The following CCER2 variants were observed in gnomAD, a reference collection of about 807,000 sequenced individuals.
CCER2 encodes coiled-coil domain-containing glutamate-rich protein 2.
Under a neutral mutation model 27.1 loss-of-function variants are expected in CCER2, and 20 were observed. The observed-to-expected ratio is 0.74, with a 90% CI of 0.52 to 1.07. The LOEUF is 1.07. Ranked by LOEUF, CCER2 falls within the 50% of genes least tolerant of loss-of-function variation. The probability of loss-of-function intolerance (pLI) is 0.00; values close to 1 mark genes in which losing one functional copy is unlikely to be tolerated. For synonymous variants in CCER2, 140 were observed against 144.3 expected (o/e 0.97, Z 0.21); for missense variants, 351 against 344.7 (o/e 1.02, Z -0.14).
At position 38,911,831 on chromosome 19, in the gene CCER2, G is replaced by A. The variant is rs897441719; in HGVS notation, c.83C>T (p.Pro28Leu). ...LGAATAAPLA[P>L]RPSKEELTRC... Reference sequence around the variant, plus strand: ...CCTCACCTCCTCCTTGGAGGGTCTCGGTGCCAAGGGAGCAGCGGTGGCTGT... The same window carrying A: ...CCTCACCTCCTCCTTGGAGGGTCTCAGTGCCAAGGGAGCAGCGGTGGCTGT... Residue 28 changes from proline to leucine, a missense_variant, in exon 2 of 5, where the codon CCG (proline) becomes CTG (leucine). Coordinates refer to ENST00000571838, the MANE Select transcript of CCER2 (RefSeq NM_001243212.2). 2.1e-5 allele frequency: 33 copies of A among 1,535,282 alleles called. No homozygotes were observed. Among genetic ancestry groups the A allele is most frequent in the South Asian group, 4.8e-5 (4 of 84,036 alleles).
At chr19:38,909,783 A>T (rs541474348) in intron 4 of CCER2, among the ~76,000 whole-genome samples, 82 of 151,944 alleles carry the variant, frequency 5.4e-4, no homozygotes, top group Non-Finnish European at 8.8e-4. Context: ...CATGTTGGCC[A>T]GGCTGGTCTC....
rs1974298294 is a variant in CCER2, at chr19:38,911,043, C to T, written c.231G>A (p.Glu77=). ...AATCCCCAAGCAGCAGGCCTTTCTCCTCGGTGGACGCACAGCCGTGGGGCT... is the reference window on the plus strand; with the variant it reads ...AATCCCCAAGCAGCAGGCCTTTCTCTTCGGTGGACGCACAGCCGTGGGGCT... The part of the protein sequence containing the change: ...GTEPHGCAST[E]EKGLLLGDFK... The change falls in exon 4 of 5, where the codon GAG becomes GAA. Residue 77 remains glutamate, a synonymous_variant. Coordinates refer to ENST00000571838, the MANE Select transcript of CCER2 (RefSeq NM_001243212.2). 2 of 1,467,466 alleles carry T rather than the reference C, an allele frequency of 1.4e-6. No individual in the cohort carries two copies. The highest frequency in any genetic ancestry group is 2.5e-5 in the Admixed American group (1 of 39,250). 90.9% of individuals were successfully genotyped at this position (1,467,466 alleles called of 1,614,324 possible).
At chr19:38,911,931 C>T in intron 1 of CCER2, 79 bp from the exon 2 acceptor site, 1 of 1,515,128 alleles carries the variant, frequency 6.6e-7, no homozygotes, top group Admixed American at 2.0e-5. Context: ...CATGGGCGTC[C>T]CGGTCCCCAC....
At position 38,911,655 on chromosome 19, in the gene CCER2, T is replaced by TG. The variant is rs1273274703; in HGVS notation, c.103-3dup. 2 of 1,535,164 alleles carry TG rather than the reference T, an allele frequency of 1.3e-6. No individual in the cohort carries two copies. Among genetic ancestry groups the TG allele is most frequent in the South Asian group, 1.2e-5 (1 of 84,020 alleles). ...CACCTCTGCCAGACAGCGGGTCAGC[T>TG]GGGGGGCAGGGGTGCCGGGTCAGAG... On this transcript the variant is annotated splice_region_variant and splice_polypyrimidine_tract_variant and intron_variant, in intron 2 of 4. Transcript: ENST00000571838.
chr19:38,910,576 G>A lies in CCER2; in HGVS notation c.698C>T (p.Ala233Val). The change falls in exon 4 of 5, where the codon GCT (alanine) becomes GTT (valine). Residue 233 changes from alanine (A) to valine (V), a missense_variant. Transcript: ENST00000571838. The stretch of plus-strand genomic sequence containing the variant: ...CCCCCTACTCACCTCCCTCTCCGAA[G>A]CCTCCTCCTTCTCCTGCCTGGGCTC... ...EAEPRQEKEE[A>V]SEREEKEVEQ... 1 of 1,485,854 alleles carries A rather than the reference G, an allele frequency of 6.7e-7. No homozygotes were observed. Among genetic ancestry groups the A allele is most frequent in the Non-Finnish European group, 8.9e-7 (1 of 1,119,386 alleles). 92.0% of individuals were successfully genotyped at this position (1,485,854 alleles called of 1,614,324 possible).
At chr19:38,910,514 AC>A (rs1974282126) in intron 4 of CCER2, 48 bp downstream of exon 4, 9 of 1,436,882 alleles carry the variant, frequency 6.3e-6, no homozygotes, top group Non-Finnish European at 8.2e-6. Context: ...ACCATCATCA[AC>A]CCTGCCTCCA....
rs1426977272 is a variant in CCER2, at chr19:38,909,202, G to T, written c.*34C>A. The T allele has an allele frequency of 6.5e-7, 1 of 1,529,354 alleles. No individual in the cohort carries two copies. 94.7% of individuals were successfully genotyped at this position (1,529,354 alleles called of 1,614,324 possible). A position where few individuals can be genotyped will look rare whatever the true frequency, so the allele number is the denominator to read the frequency against. ...GGGGTCAACAGTCCTAAGCCACAGG[G>T]TGTGTCAGGAGGAAGGAGGGACTGA... On this transcript the variant is annotated 3_prime_UTR_variant, in exon 5 of 5. Coordinates refer to ENST00000571838, the MANE Select transcript of CCER2 (RefSeq NM_001243212.2).
chr19:38,910,039 T>A (rs547514129), intron 4 of CCER2, among the ~76,000 whole-genome samples: 1 of 152,272 alleles, frequency 6.6e-6, no homozygotes, highest in Non-Finnish European at 1.5e-5. Flanking sequence ...TGCTGGCTAA[T>A]TTTTTAAATT....
chr19:38,909,453 C>T (rs913036918), intron 4 of CCER2, 128 bp from the exon 5 acceptor site: 103 of 849,700 alleles, frequency 1.2e-4, no homozygotes, highest in Middle Eastern at 6.9e-4. Flanking sequence ...CGTCGTGGAC[C>T]GCGATGGTGA....
rs1249570410 is a variant in CCER2 at position 38,909,148 on chromosome 19, C to T, written c.*88G>A. On this transcript the variant is annotated 3_prime_UTR_variant, in exon 5 of 5. Transcript: ENST00000571838. ...TCCTCCCCTGTTTGGGTAGGGGTGG[C>T]GTGGGGTGCTAGGTGAGGTGGAGGC... 9.0e-6 allele frequency: 12 copies of T among 1,334,678 alleles called. No homozygotes were observed. Among genetic ancestry groups the T allele is most frequent in the African/African-American group, 2.9e-5 (2 of 69,138 alleles). The allele number at this position is 1,334,678 out of a possible 1,614,324, so 82.7% of individuals were successfully genotyped here. A position where few individuals can be genotyped will look rare whatever the true frequency, so the allele number is the denominator to read the frequency against.
At chr19:38,911,190 G>A (rs548344377) in intron 3 of CCER2, 107 bp from the exon 4 acceptor site, 13 of 1,154,742 alleles carry the variant, frequency 1.1e-5, no homozygotes, top group South Asian at 1.0e-4. Flanking sequence ...CGTGGCGGCC[G>A]ATCACCTGAG....
chr19:38,910,221 CTT>C (rs936804793), intron 4 of CCER2, among the ~76,000 whole-genome samples: 13 of 152,176 alleles, frequency 8.5e-5, no homozygotes, highest in African/African-American at 2.9e-4. Context: ...ATGGTGACAT[CTT>C]GTTTTCCATG....
In CCER2 at chr19:38,909,288, TC is replaced by T; in HGVS notation, c.748del (p.Glu250AsnfsTer2). 6.5e-7 allele frequency: 1 copy of T among 1,535,480 alleles called. No homozygotes were observed. Among genetic ancestry groups the T allele is most frequent in the Non-Finnish European group, 8.7e-7 (1 of 1,146,734 alleles). ...CAGCGTCTCTGTCACCTTCTTCAGT[TC>T]GTCTCTCAAGTGCTCCAGCTGCTCC... ...EVEQLEHLRD[E>X]LKKVTETLGE... On this transcript the variant is annotated frameshift_variant, in exon 5 of 5. Transcript: ENST00000571838. LOFTEE classifies it high-confidence loss of function.
rs1303621146 is a variant in CCER2 at position 38,911,645 on chromosome 19, G to A, written c.111C>T (p.Arg37=). The A allele has an allele frequency of 1.3e-6, 2 of 1,535,570 alleles. No homozygotes were observed. The highest frequency in any genetic ancestry group is 2.4e-5 in the East Asian group (1 of 40,916). ...APRPSKEELT[R]CLAEVVTEVL... Reference sequence around the variant, plus strand: ...CCTCTGTGACCACCTCTGCCAGACAGCGGGTCAGCTGGGGGGCAGGGGTGC... The same window carrying A: ...CCTCTGTGACCACCTCTGCCAGACAACGGGTCAGCTGGGGGGCAGGGGTGC... Residue 37 remains arginine (R), a synonymous_variant, in exon 3 of 5, where the codon CGC becomes CGT. Transcript: ENST00000571838.
At chr19:38,910,535 G>A (rs1371180324) in intron 4 of CCER2, 28 bp downstream of exon 4, 8 of 1,448,758 alleles carry the variant, frequency 5.5e-6, no homozygotes, top group African/African-American at 1.4e-5. Flanking sequence ...AAACTGTGTT[G>A]GTGTTCCTCC....
intron 1 of CCER2, 35 bp from the exon 2 acceptor site, chr19:38,911,887 C>T (rs1285274433): frequency 9.8e-6 from 15 of 1,533,746 alleles, no homozygotes; most frequent in African/African-American, 1.4e-5. Flanking sequence ...GGCTTTGCCG[C>T]CCTGGCTGCT....
Position 38,912,134 on chromosome 19 carries a change from C to G in CCER2, c.25G>C (p.Glu9Gln). The change falls in exon 1 of 5, where the codon GAG (glutamate) becomes CAG (glutamine). Residue 9 changes from glutamate to glutamine, a missense_variant. Glu to Gln is a conservative substitution (Grantham distance 29). Coordinates refer to ENST00000571838, the MANE Select transcript of CCER2 (RefSeq NM_001243212.2). ...AGGAGCAGCCGCAGCAGCAGCAGCT[C>G]AGAGGCTGGCCCTCGGGGCGGCATG... MPPRGPASELLLLRLLLLG... is the reference protein window; with the variant it reads MPPRGPASQLLLLRLLLLG... The G allele has an allele frequency of 2.7e-6, 4 of 1,505,262 alleles. No individual in the cohort carries two copies. Among genetic ancestry groups the G allele is most frequent in the Non-Finnish European group, 3.5e-6 (4 of 1,133,962 alleles). The allele number at this position is 1,505,262 out of a possible 1,614,324, so 93.2% of individuals were successfully genotyped here.
At chr19:38,909,516 GC>G (rs1157260491) in intron 4 of CCER2, among the ~76,000 whole-genome samples, 191 bp from the exon 5 acceptor site, 1 of 152,192 alleles carries the variant, frequency 6.6e-6, no homozygotes, top group Non-Finnish European at 1.5e-5. Flanking sequence ...CGCGACCACA[GC>G]CAACAGCAGT....
chr19:38,909,755 G>C (rs772310011), intron 4 of CCER2, among the ~76,000 whole-genome samples: 21 of 152,086 alleles, frequency 1.4e-4, no homozygotes, highest in Admixed American at 9.2e-4. Context: ...TGTATTTTTA[G>C]TAGAGACAGG....
Sources: gnomAD v4.1 joint callset for allele counts (sites outside exome capture counted in the v4.1 genomes callset) on GRCh38, gnomAD v4.1.1 for gene constraint, MANE v1.5 for transcripts, NCBI Gene and HGNC (gene_info 2026-07-23, HGNC 2026-07-21) for gene names.